Variants in LOXL2 observed in about 807,000 individuals in gnomAD.
LOXL2 encodes the protein lysyl oxidase homolog 2.
In LOXL2, 70 loss-of-function variants were observed where a neutral mutation model predicts 93.0. The ratio of observed to expected loss-of-function variants is 0.75; its 90% confidence interval spans 0.62 to 0.92. The LOEUF (loss-of-function observed/expected upper bound fraction) is 0.92. LOXL2 is among the 40% of genes least tolerant of loss of function. The probability of loss-of-function intolerance (pLI) is 0.00; values close to 1 mark genes in which losing one functional copy is unlikely to be tolerated. For synonymous variants in LOXL2, 438 were observed against 413.2 expected (o/e 1.06, Z -0.73); for missense variants, 973 against 1,054.9 (o/e 0.92, Z 1.08).
rs750776069 is a variant in LOXL2 at position 23,298,933 on chromosome 8, G to T, written c.2148C>A (p.Pro716=). 1 of 1,610,830 alleles carries T rather than the reference G, an allele frequency of 6.2e-7. No homozygotes were observed. Among genetic ancestry groups the T allele is most frequent in the South Asian group, 1.1e-5 (1 of 91,010 alleles). ...AATCGGATTCTGCAACCTCGAAGTT[G>T]GGGTTAATAACAACCTAGGGAGAAG... ...GDYLFQVVIN[P]NFEVAESDYS... The change falls in exon 13 of 14, where the codon CCC becomes CCA. Residue 716 remains proline (P), a synonymous_variant. Coordinates refer to ENST00000389131, the MANE Select transcript of LOXL2 (RefSeq NM_002318.3).
intron 1 of LOXL2, among the ~76,000 whole-genome samples, chr8:23,373,355 T>C (rs1426971709): frequency 6.6e-6 from 1 of 152,132 alleles, no homozygotes; most frequent in Non-Finnish European, 1.5e-5. Context: ...CTACACTGCC[T>C]GGCAGGGTCT....
At chr8:23,363,325 C>G (rs146057062) in intron 2 of LOXL2, 1 of 152,194 alleles carries the variant, frequency 6.6e-6, no homozygotes, top group African/African-American at 2.4e-5. Context: ...AGGGCTCAAA[C>G]GACAGCACCT....
rs550078370 is a variant in LOXL2, at chr8:23,392,151, AC to A, written c.-84+11802del. Among the ~76,000 whole-genome samples the A allele has an allele frequency of 9.2e-5, 14 of 152,260 alleles. 1 individual carries two copies. The South Asian group carries it at 2.9e-3, about 32-fold the overall frequency. On this transcript the variant is annotated intron_variant, in intron 1 of 13. Coordinates refer to ENST00000389131, the MANE Select transcript of LOXL2 (RefSeq NM_002318.3). ...GTCCTATGACAGCCAAACCCAGAGA[AC>A]CCAGTGATGGCAGGGGCAGCTGGCA... is the stretch of plus-strand genomic sequence containing the variant.
chr8:23,325,466 A>G (rs1396718462), intron 6 of LOXL2, among the ~76,000 whole-genome samples: 1 of 152,060 alleles, frequency 6.6e-6, no homozygotes, highest in Non-Finnish European at 1.5e-5. Flanking sequence ...ATTTTTAAAA[A>G]AATTTTGTAG....
At chr8:23,350,027 G>A (rs778210224) in intron 3 of LOXL2, among the ~76,000 whole-genome samples, 1 of 152,086 alleles carries the variant, frequency 6.6e-6, no homozygotes. Flanking sequence ...TGGATAGACA[G>A]GAGAACATCT....
chr8:23,301,287 C>T (rs935707429), intron 12 of LOXL2, among the ~76,000 whole-genome samples: 1 of 152,194 alleles, frequency 6.6e-6, no homozygotes. Flanking sequence ...GGGAGAGACA[C>T]TAGGGACACA....
intron 5 of LOXL2, among the ~76,000 whole-genome samples, chr8:23,330,337 ACAAAAC>A (rs200140273): frequency 0.091 from 1,294 of 14,170 alleles, 84 homozygotes; most frequent in East Asian, 0.45. Flanking sequence ...CCGTCTCAAA[ACAAAAC>A]AAAACAAAAC....
In LOXL2 at chr8:23,396,699, T is replaced by G. The variant is rs991522682; in HGVS notation, c.-84+7255A>C. Among the ~76,000 whole-genome samples, 7 of 152,194 alleles carry G rather than the reference T, an allele frequency of 4.6e-5. No homozygotes were observed. In the South Asian group the frequency reaches 6.2e-4, roughly 13 times the overall value. ...TAACTGTGTTCTTTCAAATATCTCT[T>G]CCAAACCCCCTCATGGTAGAGAAAA... On this transcript the variant is annotated intron_variant, in intron 1 of 13. Coordinates refer to ENST00000389131, the MANE Select transcript of LOXL2 (RefSeq NM_002318.3).
intron 3 of LOXL2, among the ~76,000 whole-genome samples, chr8:23,352,341 A>T (rs925015308): frequency 6.6e-6 from 1 of 152,156 alleles, no homozygotes. Context: ...CCCCGTGACC[A>T]TCTGGGAATG....
chr8:23,344,012 T>C (rs1433591687), intron 3 of LOXL2, among the ~76,000 whole-genome samples: 1 of 152,192 alleles, frequency 6.6e-6, no homozygotes, highest in Non-Finnish European at 1.5e-5. Context: ...TTCCCCTGCG[T>C]TGGGCAGCAG....
Position 23,298,142 on chromosome 8 carries a change from TAGAG to T in LOXL2, c.2246-24_2246-21del. On this transcript the variant is annotated intron_variant, in intron 13 of 13. Transcript: ENST00000389131. ...AACCACCTGAAGAGCGAGAATCGGG[TAGAG>T]AGAGTGGACAAATGAGATGCTCGGG... The T allele has an allele frequency of 6.3e-7, 1 of 1,599,460 alleles. No homozygotes were observed. Among genetic ancestry groups the T allele is most frequent in the Non-Finnish European group, 8.6e-7 (1 of 1,167,884 alleles).
rs528816311 is a variant in LOXL2, at chr8:23,308,859, G to C, written c.1880+809C>G. 2.0e-5 allele frequency among the ~76,000 whole-genome samples: 3 copies of C among 152,048 alleles called. No homozygotes were observed. The South Asian group carries it at 6.2e-4, about 32-fold the overall frequency. On this transcript the variant is annotated intron_variant, in intron 10 of 13. Transcript: ENST00000389131. ...CAGCTGACCTGACATCATGCAGCTC[G>C]CTAGAGGCACGGCTGCGTTTAGAGA...
chr8:23,336,353 A>ACCCTC lies in LOXL2; in HGVS notation c.744-2735_744-2731dup, dbSNP rs139789953. On this transcript the variant is annotated intron_variant, in intron 4 of 13. Coordinates refer to ENST00000389131, the MANE Select transcript of LOXL2 (RefSeq NM_002318.3). ...AGCACGTTCAGGCCTCCCAGGGGAT[A>ACCCTC]CCCTCCCCTCCCCTCCTCCATCCCA... is the stretch of plus-strand genomic sequence containing the variant. The ACCCTC allele has an allele frequency of 8.2e-3, 1,246 of 151,750 alleles. 69 individuals carry two copies. In the East Asian group the frequency reaches 0.16, roughly 19 times the overall value. The allele number at this position is 151,750 out of a possible 1,614,324, so 9.4% of individuals were successfully genotyped here.
chr8:23,306,830 C>T (rs543116605), intron 10 of LOXL2, among the ~76,000 whole-genome samples: 4 of 152,354 alleles, frequency 2.6e-5, no homozygotes, highest in South Asian at 2.1e-4. Flanking sequence ...CGTGGCACAT[C>T]GTGCCAGTTG....
chr8:23,330,141 T>C (rs953257535), intron 5 of LOXL2, among the ~76,000 whole-genome samples: 6 of 151,802 alleles, frequency 4.0e-5, no homozygotes, highest in South Asian at 2.1e-4. Flanking sequence ...CTGGCTAACA[T>C]GGTGAAACCC....
At chr8:23,383,663 T>TG (rs1804712546) in intron 1 of LOXL2, among the ~76,000 whole-genome samples, 35 of 96,996 alleles carry the variant, frequency 3.6e-4, no homozygotes, top group African/African-American at 1.1e-3. Context: ...TTTTGTTTTT[T>TG]TTTTTTTTTT....
At chr8:23,304,190 G>T (rs1803188857) in intron 10 of LOXL2, among the ~76,000 whole-genome samples, 2 of 152,392 alleles carry the variant, frequency 1.3e-5, no homozygotes, top group South Asian at 4.1e-4. Context: ...AGGAGAGCTT[G>T]TGCAAGCAGG....
intron 1 of LOXL2, among the ~76,000 whole-genome samples, chr8:23,394,784 C>G (rs998985721): frequency 1.4e-5 from 2 of 144,450 alleles, no homozygotes; most frequent in African/African-American, 5.1e-5. Flanking sequence ...CACATTGAAA[C>G]AGGTGTTCAA....
intron 1 of LOXL2, among the ~76,000 whole-genome samples, chr8:23,373,071 G>A (rs1804524400): frequency 6.6e-6 from 1 of 152,136 alleles, no homozygotes; most frequent in African/African-American, 2.4e-5. Context: ...AGAACAAGTA[G>A]AAAATCCCCA....
Sources: gnomAD v4.1 joint callset for allele counts (sites outside exome capture counted in the v4.1 genomes callset) on GRCh38, gnomAD v4.1.1 for gene constraint, MANE v1.5 for transcripts, NCBI Gene and HGNC (gene_info 2026-07-23, HGNC 2026-07-21) for gene names.